Variants in HHIP observed in about 807,000 individuals in gnomAD.
The protein encoded by HHIP is hedgehog-interacting protein.
In HHIP, 12 loss-of-function variants were observed where a neutral mutation model predicts 74.0. The observed-to-expected ratio is 0.16, with a 90% CI of 0.10 to 0.26. HHIP has a LOEUF of 0.26. HHIP is among the 10% of genes least tolerant of loss of function. The pLI is 1.00. For synonymous variants in HHIP, 309 were observed against 311.6 expected, an observed-to-expected ratio of 0.99 and a Z score of 0.09; for missense variants, 788 against 845.0, an observed-to-expected ratio of 0.93 and a Z score of 0.84.
intron 4 of HHIP, among the ~76,000 whole-genome samples, chr4:144,688,087 C>G (rs1729537644): frequency 6.6e-6 from 1 of 152,096 alleles, no homozygotes; most frequent in Admixed American, 6.6e-5. Flanking sequence ...CCATCCAAAA[C>G]CCAGCCTGTG....
intron 4 of HHIP, among the ~76,000 whole-genome samples, chr4:144,667,042 C>A (rs1302694397): frequency 2.0e-5 from 3 of 152,124 alleles, no homozygotes; most frequent in South Asian, 4.1e-4. Flanking sequence ...TAGCAATACA[C>A]CCTGGGGTTG....
intron 4 of HHIP, among the ~76,000 whole-genome samples, chr4:144,692,014 G>A (rs1729686310): frequency 1.3e-5 from 2 of 152,188 alleles, no homozygotes; most frequent in Non-Finnish European, 2.9e-5. Context: ...ATCATGTACA[G>A]GAACAATATG....
At position 144,742,257 on chromosome 4, in the gene HHIP, C is replaced by T. The variant is rs925149409; in HGVS notation, c.*4300C>T. On this transcript the variant is annotated 3_prime_UTR_variant, in exon 13 of 13. Coordinates refer to ENST00000296575, the MANE Select transcript of HHIP (RefSeq NM_022475.3). ...TTTGTTTTTCTGAAAAATAGCCTCT[C>T]TTGATTCCACATTTTCTCAAATTCT... The T allele has an allele frequency of 6.6e-6, 1 of 152,064 alleles. No individual in the cohort carries two copies. Among genetic ancestry groups the T allele is most frequent in the Non-Finnish European group, 1.5e-5 (1 of 68,008 alleles). 9.4% of individuals were successfully genotyped at this position (152,064 alleles called of 1,614,324 possible). A position where few individuals can be genotyped will look rare whatever the true frequency, so the allele number is the denominator to read the frequency against.
At position 144,706,638 on chromosome 4, in the gene HHIP, G is replaced by A. The variant is rs1198478374; in HGVS notation, c.939G>A (p.Gly313=). The A allele has an allele frequency of 3.1e-6, 5 of 1,613,786 alleles. No homozygotes were observed. Among genetic ancestry groups the A allele is most frequent in the Non-Finnish European group, 4.2e-6 (5 of 1,179,850 alleles). Reference sequence around the variant, plus strand: ...CCAACCAAGAACGGTGGGCTATCGGGCCTCATGACCACATTCTTAGGGTTG... The same window carrying A: ...CCAACCAAGAACGGTGGGCTATCGGACCTCATGACCACATTCTTAGGGTTG... ...YTTNQERWAI[G]PHDHILRVVE... Residue 313 remains glycine (G), a synonymous_variant, in exon 5 of 13, where the codon GGG becomes GGA. Transcript: ENST00000296575.
chr4:144,660,828 T>C (rs1245270255), intron 4 of HHIP, among the ~76,000 whole-genome samples: 1 of 152,198 alleles, frequency 6.6e-6, no homozygotes, highest in Non-Finnish European at 1.5e-5. Context: ...ACATTTTACT[T>C]AATCTGGTCA....
In HHIP at chr4:144,695,594, G is replaced by A. The variant is rs115674857; in HGVS notation, c.832-10937G>A. ...TATTACTGAAGAACACACAAATGTCGGGGTCTATTTCTTTCACCCCTTATA... is the reference window on the plus strand; with the variant it reads ...TATTACTGAAGAACACACAAATGTCAGGGTCTATTTCTTTCACCCCTTATA... On this transcript the variant is annotated intron_variant, in intron 4 of 12. Coordinates refer to ENST00000296575, the MANE Select transcript of HHIP (RefSeq NM_022475.3). Among the ~76,000 whole-genome samples, 960 of 151,292 alleles carry A rather than the reference G, an allele frequency of 6.3e-3. 10 individuals carry two copies. The highest frequency in any genetic ancestry group is 7.6e-3 in the Non-Finnish European group (517 of 67,672).
intron 11 of HHIP, 76 bp from the exon 12 acceptor site, chr4:144,734,665 C>A: frequency 4.1e-6 from 5 of 1,226,918 alleles, no homozygotes; most frequent in South Asian, 1.9e-5. Context: ...GCTTTGTAAG[C>A]CACAGAATCA....
At position 144,711,973 on chromosome 4, in the gene HHIP, C is replaced by T. The variant is rs1350286920; in HGVS notation, c.1325C>T (p.Thr442Ile). ...AGATGTGCTGTGGATAGACATCCCA[C>T]TGATATAAACATCAATTTAACGATA... ...PGRCAVDRHP[T>I]DININLTILC... Residue 442 changes from threonine (T) to isoleucine (I), a missense_variant, in exon 8 of 13, where the codon ACT (threonine) becomes ATT (isoleucine). Physicochemically the swap from Thr to Ile is moderately conservative, Grantham distance 89. This residue lies in a region of HHIP where 343 missense variants were observed against 347.9 expected (regional missense o/e 0.99). Transcript: ENST00000296575. The T allele has an allele frequency of 5.6e-6, 9 of 1,611,608 alleles. No homozygotes were observed. The highest frequency in any genetic ancestry group is 7.6e-6 in the Non-Finnish European group (9 of 1,178,326).
intron 4 of HHIP, among the ~76,000 whole-genome samples, chr4:144,664,166 C>G (rs555821971): frequency 6.6e-6 from 1 of 152,284 alleles, no homozygotes; most frequent in East Asian, 1.9e-4. Flanking sequence ...CTACTTGGAC[C>G]CTCATTTCAA....
At chr4:144,712,317 C>T (rs1730328567) in intron 8 of HHIP, among the ~76,000 whole-genome samples, 1 of 152,022 alleles carries the variant, frequency 6.6e-6, no homozygotes, top group Admixed American at 6.6e-5. Context: ...AAAATTTAAC[C>T]GTCCTTCAAA....
At chr4:144,659,577 G>C in intron 3 of HHIP, 60 bp from the exon 4 acceptor site, 1 of 1,106,554 alleles carries the variant, frequency 9.0e-7, no homozygotes, top group South Asian at 2.6e-5. Context: ...AGGATGCCAA[G>C]TGCATCCCTT....
Position 144,690,344 on chromosome 4 carries a change from A to G in HHIP, c.832-16187A>G, listed in dbSNP as rs141510605. Among the ~76,000 whole-genome samples the G allele has an allele frequency of 3.1e-3, 476 of 152,286 alleles. 4 individuals are homozygous for G. The highest frequency in any genetic ancestry group is 0.011 in the African/African-American group (458 of 41,556). On this transcript the variant is annotated intron_variant, in intron 4 of 12. Coordinates refer to ENST00000296575, the MANE Select transcript of HHIP (RefSeq NM_022475.3). ...AGGGAGACTGGTAGGTATAATCAAC[A>G]CAAAGTGATATGATGGTAGTATGGT...
rs539920117 is a variant in HHIP at position 144,725,863 on chromosome 4, G to T, written c.1760+6907G>T. Among the ~76,000 whole-genome samples, 250 of 152,144 alleles carry T rather than the reference G, an allele frequency of 1.6e-3. 1 individual carries two copies. Among genetic ancestry groups the T allele is most frequent in the South Asian group, 4.8e-3 (23 of 4,820 alleles). ...TTTTGTATTTTTTGTAGAGACGGGG[G>T]TTTCACCATGTTGGCCAGGCTGGTC... On this transcript the variant is annotated intron_variant, in intron 11 of 12. Transcript: ENST00000296575.
At chr4:144,704,164 A>G (rs1730065690) in intron 4 of HHIP, among the ~76,000 whole-genome samples, 1 of 152,190 alleles carries the variant, frequency 6.6e-6, no homozygotes, top group African/African-American at 2.4e-5. Flanking sequence ...TATATAATAC[A>G]TTAAATTGTT....
intron 7 of HHIP, 79 bp from the exon 8 acceptor site, chr4:144,711,870 CT>C: frequency 7.0e-7 from 1 of 1,428,298 alleles, no homozygotes; most frequent in Non-Finnish European, 9.6e-7. Flanking sequence ...CAAAGGGCTC[CT>C]TCCTATGTCA....
chr4:144,740,946 G>C lies in HHIP; in HGVS notation c.*2989G>C, dbSNP rs190537630. 2.1e-3 allele frequency: 323 copies of C among 152,274 alleles called. No individual in the cohort carries two copies. Among genetic ancestry groups the C allele is most frequent in the African/African-American group, 7.1e-3 (294 of 41,546 alleles). The allele number at this position is 152,274 out of a possible 1,614,324, so 9.4% of individuals were successfully genotyped here. ...GGTTGGAAATAACCTTTCTACTACT[G>C]TTTCTGCCACACTGTTGTCCTGGTT... On this transcript the variant is annotated 3_prime_UTR_variant, in exon 13 of 13. Coordinates refer to ENST00000296575, the MANE Select transcript of HHIP (RefSeq NM_022475.3).
At chr4:144,659,580 C>A in intron 3 of HHIP, 57 bp from the exon 4 acceptor site, 1 of 1,142,700 alleles carries the variant, frequency 8.8e-7, no homozygotes, top group Non-Finnish European at 1.2e-6. Flanking sequence ...ATGCCAAGTG[C>A]ATCCCTTATC....
intron 4 of HHIP, among the ~76,000 whole-genome samples, chr4:144,692,202 A>C (rs555554716): frequency 1.3e-5 from 2 of 152,256 alleles, no homozygotes; most frequent in African/African-American, 4.8e-5. Flanking sequence ...ATAAAAAAAA[A>C]GCTGAAGCTC....
At chr4:144,720,555 A>G (rs1194834681) in intron 11 of HHIP, among the ~76,000 whole-genome samples, 1 of 152,112 alleles carries the variant, frequency 6.6e-6, no homozygotes, top group Non-Finnish European at 1.5e-5. Flanking sequence ...CAAGGTTGCC[A>G]TAAGGGACCT....
Sources: gnomAD v4.1 joint callset for allele counts (sites outside exome capture counted in the v4.1 genomes callset) on GRCh38, gnomAD v4.1.1 for gene constraint, gnomAD v4.1.1 regional missense constraint, MANE v1.5 for transcripts, NCBI Gene and HGNC (gene_info 2026-07-23, HGNC 2026-07-21) for gene names.